The following DCAF6 variants were observed in gnomAD, a reference collection of about 807,000 sequenced individuals.
The protein encoded by DCAF6 is DDB1- and CUL4-associated factor 6.
A neutral mutation model predicts 125.1 loss-of-function variants in DCAF6; 54 were observed. The ratio of observed to expected loss-of-function variants is 0.43; its 90% CI spans 0.35 to 0.54. The LOEUF is 0.54. Ranked by LOEUF, DCAF6 falls within the 20% of genes least tolerant of loss-of-function variation. DCAF6 has a pLI of 0.01. For missense variants in DCAF6, 934 were observed against 1,161.7 expected (o/e 0.80, Z 2.85); for synonymous variants, 371 against 390.4 (o/e 0.95, Z 0.58).
the DCAF6 span, among the ~76,000 whole-genome samples, chr1:167,907,863 A>G: frequency 1.3e-5 from 2 of 152,262 alleles, no homozygotes; most frequent in African/African-American, 4.8e-5. Flanking sequence ...TAAAGAAAAT[A>G]TAATTGGCTG....
At chr1:167,971,391 C>T (rs1001191394) in intron 3 of DCAF6, among the ~76,000 whole-genome samples, 5 of 152,106 alleles carry the variant, frequency 3.3e-5, no homozygotes, top group Non-Finnish European at 5.9e-5. Context: ...TATTTATTTA[C>T]CTCTCATATA....
chr1:167,995,628 G>A (rs1197001142), intron 7 of DCAF6, among the ~76,000 whole-genome samples: 4 of 149,980 alleles, frequency 2.7e-5, no homozygotes, highest in East Asian at 3.9e-4. Flanking sequence ...TGCATGAGCC[G>A]AGATCACGCC....
At chr1:167,896,791 C>T in the DCAF6 span, 373 of 810,850 alleles carry the variant, frequency 4.6e-4, 2 homozygotes, top group African/African-American at 5.9e-3. Context: ...TTTGACTGAA[C>T]AGTGATTGGC....
rs3767471 is a variant in DCAF6, at chr1:168,037,582, A to G, written c.1610-789A>G. 2.4e-4 allele frequency among the ~76,000 whole-genome samples: 36 copies of G among 151,480 alleles called. No homozygotes were observed. The East Asian group carries it at 6.8e-3, about 28-fold the overall frequency. On this transcript the variant is annotated intron_variant, in intron 12 of 21. Coordinates refer to ENST00000367840, the MANE Select transcript of DCAF6 (RefSeq NM_001198956.2). The stretch of plus-strand genomic sequence containing the variant: ...TATCCATGTACTCTTTTTTTTTGGC[A>G]GGTGGGGAAGGTAGCTTTAAATACT...
At chr1:167,924,742 C>T in the DCAF6 span, among the ~76,000 whole-genome samples, 1 of 152,076 alleles carries the variant, frequency 6.6e-6, no homozygotes, top group African/African-American at 2.4e-5. Flanking sequence ...TTGAATAACA[C>T]AGGTTTGAAC....
At chr1:167,988,997 T>C (rs1680423758) in intron 5 of DCAF6, among the ~76,000 whole-genome samples, 1 of 152,016 alleles carries the variant, frequency 6.6e-6, no homozygotes, top group South Asian at 2.1e-4. Context: ...GGAGAATTGC[T>C]TGATCCTGGG....
intron 2 of DCAF6, among the ~76,000 whole-genome samples, chr1:167,964,094 A>G (rs1377988379): frequency 6.6e-6 from 1 of 152,238 alleles, no homozygotes; most frequent in Non-Finnish European, 1.5e-5. Context: ...AAGAATAAGT[A>G]AAATGAAAGT....
At chr1:167,911,356 G>A in the DCAF6 span, among the ~76,000 whole-genome samples, 39 of 152,356 alleles carry the variant, frequency 2.6e-4, 1 homozygote, top group South Asian at 3.3e-3. Context: ...AGAAATCAAT[G>A]TACTTTATGT....
intron 17 of DCAF6, among the ~76,000 whole-genome samples, chr1:168,051,443 T>C (rs1007466592): frequency 6.6e-6 from 1 of 152,226 alleles, no homozygotes; most frequent in Admixed American, 6.5e-5. Context: ...CAAGATGATA[T>C]ATAAGCCTCA....
At chr1:168,011,510 T>C (rs1684279700) in intron 10 of DCAF6, among the ~76,000 whole-genome samples, 1 of 152,200 alleles carries the variant, frequency 6.6e-6, no homozygotes, top group Non-Finnish European at 1.5e-5. Context: ...TTGGCCTATG[T>C]AGAATTATTA....
chr1:167,982,799 C>T (rs1679393165), intron 4 of DCAF6, among the ~76,000 whole-genome samples: 2 of 152,108 alleles, frequency 1.3e-5, no homozygotes, highest in South Asian at 2.1e-4. Flanking sequence ...CGAGGTCTTA[C>T]ATTTAAATCT....
chr1:168,030,683 A>G lies in DCAF6; in HGVS notation c.1609+7636A>G, dbSNP rs547697131. ...CAGGGATTGAGGAGGAATCCAGAGTATAAGTTGCAGTAACAACTTCAGAAT... is the reference window on the plus strand; with the variant it reads ...CAGGGATTGAGGAGGAATCCAGAGTGTAAGTTGCAGTAACAACTTCAGAAT... On this transcript the variant is annotated intron_variant, in intron 12 of 21. Transcript: ENST00000367840. Among the ~76,000 whole-genome samples, 5 of 152,380 alleles carry G rather than the reference A, an allele frequency of 3.3e-5. No individual in the cohort carries two copies. In the South Asian group the frequency reaches 8.3e-4, roughly 25 times the overall value.
the DCAF6 span, among the ~76,000 whole-genome samples, chr1:167,864,185 C>T: frequency 3.9e-5 from 6 of 152,128 alleles, no homozygotes; most frequent in Non-Finnish European, 8.8e-5. Context: ...TGTGCGTGCC[C>T]TTTTTACCCG....
chr1:167,954,419 T>C, intron 2 of DCAF6, among the ~76,000 whole-genome samples: 1 of 152,208 alleles, frequency 6.6e-6, no homozygotes, highest in Middle Eastern at 3.4e-3. Flanking sequence ...GAATTACCCC[T>C]AGATTTGTGC....
intron 1 of DCAF6, among the ~76,000 whole-genome samples, chr1:167,946,741 T>C (rs1029261487): frequency 6.6e-6 from 1 of 152,320 alleles, no homozygotes; most frequent in African/African-American, 2.4e-5. Context: ...TGGTGTATTA[T>C]CTTTTTGATT....
At chr1:167,930,673 C>CTTAACTT in the DCAF6 span, among the ~76,000 whole-genome samples, 121 of 152,314 alleles carry the variant, frequency 7.9e-4, 1 homozygote, top group South Asian at 0.023. Context: ...ATTTGTCTTA[C>CTTAACTT]ACTCAGGAGA....
chr1:167,960,676 T>G (rs1174296428), intron 2 of DCAF6, among the ~76,000 whole-genome samples: 1 of 152,204 alleles, frequency 6.6e-6, no homozygotes, highest in Admixed American at 6.5e-5. Context: ...TCCATTGTGG[T>G]CTAAGAGTAG....
At chr1:167,995,594 T>C (rs1267728267) in intron 7 of DCAF6, among the ~76,000 whole-genome samples, 1 of 150,840 alleles carries the variant, frequency 6.6e-6, no homozygotes, top group East Asian at 1.9e-4. Flanking sequence ...GCAGGAGAAT[T>C]GCTTGAACCC....
chr1:168,044,361 A>G (rs1427915348), intron 14 of DCAF6, among the ~76,000 whole-genome samples: 1 of 152,228 alleles, frequency 6.6e-6, no homozygotes, highest in Non-Finnish European at 1.5e-5. Flanking sequence ...TTTAAAAACA[A>G]TAACAGCGTA....
Sources: allele counts gnomAD v4.1 joint callset (sites outside exome capture counted in the v4.1 genomes callset), GRCh38; gene constraint gnomAD v4.1.1; transcripts MANE v1.5; gene names NCBI Gene and HGNC (gene_info 2026-07-23, HGNC 2026-07-21).